Variants in SBNO2 observed in about 807,000 individuals in gnomAD.
SBNO2 encodes strawberry notch homolog 2.
Under a neutral mutation model 146.3 loss-of-function variants are expected in SBNO2, and 89 were observed. That is an observed-to-expected ratio of 0.61 (90% confidence interval 0.51 to 0.73). The LOEUF (loss-of-function observed/expected upper bound fraction) is 0.73. Ranked by LOEUF, SBNO2 falls within the 30% of genes least tolerant of loss-of-function variation. The probability of loss-of-function intolerance (pLI) is 0.00; values close to 1 mark genes in which losing one functional copy is unlikely to be tolerated. For missense variants in SBNO2, 2,092 were observed against 2,003.7 expected (o/e 1.04, Z -0.84); for synonymous variants, 1,147 against 892.6 (o/e 1.29, Z -5.08).
At chr19:1,151,322 G>A (rs1354907373) in intron 2 of SBNO2, among the ~76,000 whole-genome samples, 1 of 152,242 alleles carries the variant, frequency 6.6e-6, no homozygotes, top group Non-Finnish European at 1.5e-5. Context: ...TGGGGTCGCA[G>A]GGCGGGAGGA....
intron 23 of SBNO2, 138 bp from the exon 24 acceptor site, chr19:1,111,752 CA>C: frequency 1.4e-6 from 1 of 733,898 alleles, no homozygotes; most frequent in Non-Finnish European, 2.3e-6. Flanking sequence ...CCACCTCCCC[CA>C]GCTCTCAGCC....
At position 1,108,483 on chromosome 19, in the gene SBNO2, G is replaced by C; in HGVS notation, c.3838C>G (p.Leu1280Val). Reference sequence around the variant, plus strand: ...ACGCCGGGGCCGGCGTCCAGGGACAGCGGCGCCGGGAAAGAGAAGTGCGGG... The same window carrying C: ...ACGCCGGGGCCGGCGTCCAGGGACACCGGCGCCGGGAAAGAGAAGTGCGGG... ...PPPHFSFPAP[L>V]SLDAGPGVVP... The change falls in exon 32 of 32, where the codon CTG becomes GTG. Residue 1280 changes from leucine (L) to valine (V), a missense_variant. Coordinates refer to ENST00000361757, the MANE Select transcript of SBNO2 (RefSeq NM_014963.3). 1.6e-6 allele frequency: 2 copies of C among 1,221,314 alleles called. No homozygotes were observed. The highest frequency in any genetic ancestry group is 5.0e-5 in the South Asian group (2 of 39,622). 75.7% of individuals were successfully genotyped at this position (1,221,314 alleles called of 1,614,324 possible). A position where few individuals can be genotyped will look rare whatever the true frequency, so the allele number is the denominator to read the frequency against.
intron 7 of SBNO2, 120 bp from the exon 8 acceptor site, chr19:1,123,165 T>C (rs113125042): frequency 0.028 from 33,324 of 1,171,136 alleles, 639 homozygotes; most frequent in Non-Finnish European, 0.033. Context: ...TTTGGGGGCG[T>C]GGCCAGGTCC....
Position 1,123,688 on chromosome 19 carries a change from C to T in SBNO2, c.523-49G>A, listed in dbSNP as rs192035788. ...CGGAGACTGCAGGCCTGAGCGGCCG[C>T]GGGCACTGGGCTCCCCCAGGGGCAG... On this transcript the variant is annotated intron_variant, in intron 6 of 31. Coordinates refer to ENST00000361757, the MANE Select transcript of SBNO2 (RefSeq NM_014963.3). The T allele has an allele frequency of 4.5e-4, 696 of 1,536,312 alleles. 2 individuals are homozygous for T. The African/African-American group carries it at 5.3e-3, about 12-fold the overall frequency.
At chr19:1,138,254 G>A (rs1473700755) in intron 4 of SBNO2, among the ~76,000 whole-genome samples, 1 of 149,322 alleles carries the variant, frequency 6.7e-6, no homozygotes, top group Non-Finnish European at 1.5e-5. Context: ...GGGCTGCCCT[G>A]GGGGACACTC....
At chr19:1,132,226 C>A in intron 4 of SBNO2, 1 of 1,313,996 alleles carries the variant, frequency 7.6e-7, no homozygotes, top group South Asian at 2.0e-5. Context: ...AGCATTGGGT[C>A]GGCCGGGGCG....
rs1026116384 is a variant in SBNO2 at position 1,108,383 on chromosome 19, T to C, written c.3938A>G (p.Lys1313Arg). ...GCGCAGCATGTCCTCCAGCACCTCCTTGAAGTTGATGTCGCAGCCCTGGTG... is the reference window on the plus strand; with the variant it reads ...GCGCAGCATGTCCTCCAGCACCTCCCTGAAGTTGATGTCGCAGCCCTGGTG... Reference protein sequence around the residue: ...LAHQGCDINFKEVLEDMLRSL... With the variant: ...LAHQGCDINFREVLEDMLRSL... Residue 1313 changes from lysine to arginine, a missense_variant, in exon 32 of 32, where the codon AAG (lysine) becomes AGG (arginine). Physicochemically the swap from Lys to Arg is conservative, Grantham distance 26. Transcript: ENST00000361757. 13 of 1,286,578 alleles carry C rather than the reference T, an allele frequency of 1.0e-5. No individual in the cohort carries two copies. In the African/African-American group the frequency reaches 1.5e-4, roughly 14 times the overall value. The allele number at this position is 1,286,578 out of a possible 1,614,324, so 79.7% of individuals were successfully genotyped here.
chr19:1,108,288 C>G lies in SBNO2; in HGVS notation c.4033G>C (p.Gly1345Arg). ...ATCACGCTCTGCCGCTCGGGACCAC[C>G]GCCCGCCGCGCCCCCCGCCCCCGCG... ...EGAGAGGAAG[G>R]GPERQSVIQF... The change falls in exon 32 of 32, where the codon GGT becomes CGT. Residue 1345 changes from glycine (G) to arginine (R), a missense_variant. Coordinates refer to ENST00000361757, the MANE Select transcript of SBNO2 (RefSeq NM_014963.3). 4 of 1,497,698 alleles carry G rather than the reference C, an allele frequency of 2.7e-6. No homozygotes were observed. The highest frequency in any genetic ancestry group is 3.6e-6 in the Non-Finnish European group (4 of 1,120,792). The allele number at this position is 1,497,698 out of a possible 1,614,324, so 92.8% of individuals were successfully genotyped here. A position where few individuals can be genotyped will look rare whatever the true frequency, so the allele number is the denominator to read the frequency against.
rs1319953976 is a variant in SBNO2 at position 1,112,667 on chromosome 19, C to T, written c.2380-130G>A. ...CCGGGGCAGCGAGAGGCCTGCGGGGCGCGGACACCACCCGCCACACGGCCA... is the reference window on the plus strand; with the variant it reads ...CCGGGGCAGCGAGAGGCCTGCGGGGTGCGGACACCACCCGCCACACGGCCA... On this transcript the variant is annotated intron_variant, in intron 20 of 31. Coordinates refer to ENST00000361757, the MANE Select transcript of SBNO2 (RefSeq NM_014963.3). This position sits in a 1 kb window ranked among gnomAD's most constrained non-coding sequence, Gnocchi z 5.9. 15 of 1,433,466 alleles carry T rather than the reference C, an allele frequency of 1.0e-5. No individual in the cohort carries two copies. Among genetic ancestry groups the T allele is most frequent in the Non-Finnish European group, 1.4e-5 (15 of 1,085,782 alleles). The allele number at this position is 1,433,466 out of a possible 1,614,324, so 88.8% of individuals were successfully genotyped here. A position where few individuals can be genotyped will look rare whatever the true frequency, so the allele number is the denominator to read the frequency against.
At chr19:1,111,886 A>T in intron 23 of SBNO2, 110 bp downstream of exon 23, 1 of 1,068,386 alleles carries the variant, frequency 9.4e-7, no homozygotes, top group Non-Finnish European at 1.4e-6. Flanking sequence ...CAGACCACTG[A>T]GCCCCACGTT....
intron 5 of SBNO2, among the ~76,000 whole-genome samples, chr19:1,125,587 C>T (rs982034930): frequency 2.6e-5 from 4 of 151,956 alleles, no homozygotes; most frequent in African/African-American, 9.7e-5. Flanking sequence ...GCAGGAGAAT[C>T]TCTTGAACCT....
At position 1,110,252 on chromosome 19, in the gene SBNO2, G is replaced by A. The variant is rs2079739799; in HGVS notation, c.3029-475C>T. Among the ~76,000 whole-genome samples the A allele has an allele frequency of 6.6e-6, 1 of 152,174 alleles. No homozygotes were observed. Among genetic ancestry groups the A allele is most frequent in the Non-Finnish European group, 1.5e-5 (1 of 68,008 alleles). ...GGACCCGACCCTCATCTGGACACAGGGAAGTGGTCCTGATGGACAGGCCTG... is the reference window on the plus strand; with the variant it reads ...GGACCCGACCCTCATCTGGACACAGAGAAGTGGTCCTGATGGACAGGCCTG... On this transcript the variant is annotated intron_variant, in intron 26 of 31. Coordinates refer to ENST00000361757, the MANE Select transcript of SBNO2 (RefSeq NM_014963.3). The surrounding 1 kb of genome is among the most constrained non-coding windows in gnomAD (Gnocchi z 4.9).
chr19:1,149,555 G>C lies in SBNO2; in HGVS notation c.94-113C>G, dbSNP rs532035485. The C allele has an allele frequency of 4.7e-5, 45 of 967,066 alleles. 3 individuals are homozygous for C. The Middle Eastern group carries it at 3.4e-3, about 73-fold the overall frequency. The allele number at this position is 967,066 out of a possible 1,614,324, so 59.9% of individuals were successfully genotyped here. ...AGAGGCTAGGGAGGCCCCGCAGTCA[G>C]GGTCCCATCCCGCCCCTGCTGGTAT... On this transcript the variant is annotated intron_variant, in intron 2 of 31. Coordinates refer to ENST00000361757, the MANE Select transcript of SBNO2 (RefSeq NM_014963.3).
intron 1 of SBNO2, among the ~76,000 whole-genome samples, chr19:1,162,335 C>T (rs1286918433): frequency 6.7e-6 from 1 of 149,436 alleles, no homozygotes; most frequent in Non-Finnish European, 1.5e-5. Context: ...TGGCGGGTGC[C>T]TGTAGTCCCA....
At position 1,140,032 on chromosome 19, in the gene SBNO2, G is replaced by T. The variant is rs994325816; in HGVS notation, c.279+7277C>A. Among the ~76,000 whole-genome samples the T allele has an allele frequency of 2.0e-5, 3 of 152,148 alleles. No homozygotes were observed. The highest frequency in any genetic ancestry group is 2.9e-5 in the Non-Finnish European group (2 of 68,028). ...GAAGAAATGCAGGCCGGGCGCGGTGGCTCACGCCTGTAATCCCAATGCTTT... is the reference window on the plus strand; with the variant it reads ...GAAGAAATGCAGGCCGGGCGCGGTGTCTCACGCCTGTAATCCCAATGCTTT... On this transcript the variant is annotated intron_variant, in intron 4 of 31. Coordinates refer to ENST00000361757, the MANE Select transcript of SBNO2 (RefSeq NM_014963.3). This position sits in a 1 kb window ranked among gnomAD's most constrained non-coding sequence, Gnocchi z 4.4.
intron 16 of SBNO2, among the ~76,000 whole-genome samples, chr19:1,116,342 T>A (rs761960102): frequency 1.4e-5 from 2 of 144,400 alleles, no homozygotes; most frequent in Non-Finnish European, 3.0e-5. Context: ...CTCTGAGGAA[T>A]GTGGCCGGAT....
intron 1 of SBNO2, among the ~76,000 whole-genome samples, chr19:1,161,906 C>CGGGG (rs916715232): frequency 0.1 from 140 of 1,350 alleles, 20 homozygotes; most frequent in Admixed American, 0.15. Flanking sequence ...TGGGGAGCCG[C>CGGGG]GGGGGGGGGG....
intron 5 of SBNO2, among the ~76,000 whole-genome samples, chr19:1,125,103 A>G (rs2079950353): frequency 6.6e-6 from 1 of 151,938 alleles, no homozygotes; most frequent in African/African-American, 2.4e-5. Flanking sequence ...CGTAAATCCC[A>G]GCACTTTGGG....
Position 1,114,328 on chromosome 19 carries a change from G to A in SBNO2, c.1980C>T (p.Asp660=), listed in dbSNP as rs1198645000. The change falls in exon 18 of 32, where the codon GAC becomes GAT. Residue 660 remains aspartate (D), a synonymous_variant. Coordinates refer to ENST00000361757, the MANE Select transcript of SBNO2 (RefSeq NM_014963.3). ...RISDDSSTES[D]PGLDSDFNSS... is the part of the protein sequence containing the mutation. ...AGTTGAAGTCGCTGTCCAGGCCAGG[G>A]TCCGACTCCGTGCTGCTGTCGTCAC... 1.9e-6 allele frequency: 3 copies of A among 1,556,396 alleles called. No individual in the cohort carries two copies. Among genetic ancestry groups the A allele is most frequent in the East Asian group, 2.4e-5 (1 of 41,328 alleles).
Sources: gnomAD v4.1 joint callset for allele counts (sites outside exome capture counted in the v4.1 genomes callset) on GRCh38, gnomAD v4.1.1 for gene constraint, Gnocchi (gnomAD v3.1) non-coding constraint, MANE v1.5 for transcripts, NCBI Gene and HGNC (gene_info 2026-07-23, HGNC 2026-07-21) for gene names.